SNX29: variants seen among roughly 807,000 people sequenced by gnomAD.
SNX29 encodes sorting nexin-29.
Under a neutral mutation model 102.1 loss-of-function variants are expected in SNX29, and 78 were observed. That is an observed-to-expected ratio of 0.76 (90% CI 0.64 to 0.92). The LOEUF (loss-of-function observed/expected upper bound fraction) is 0.92, where lower values mean the gene tolerates loss of function less well. Ranked by LOEUF, SNX29 falls within the 40% of genes least tolerant of loss-of-function variation. The pLI is 0.00. For synonymous variants in SNX29, 580 were observed against 414.5 expected (o/e 1.40, Z -4.85); for missense variants, 1,280 against 1,061.7 (o/e 1.21, Z -2.86).
chr16:12,093,285 C>T (rs1023989303), intron 11 of SNX29, among the ~76,000 whole-genome samples: 1 of 152,164 alleles, frequency 6.6e-6, no homozygotes, highest in African/African-American at 2.4e-5. Flanking sequence ...ATGGAAAGAA[C>T]ATGGGTCAGG....
At chr16:12,100,097 T>G (rs1259556345) in intron 11 of SNX29, among the ~76,000 whole-genome samples, 1 of 152,124 alleles carries the variant, frequency 6.6e-6, no homozygotes, top group African/African-American at 2.4e-5. Context: ...TGGGAGAGCA[T>G]GGGACTTCAA....
intron 15 of SNX29, among the ~76,000 whole-genome samples, chr16:12,313,791 G>C (rs2080643104): frequency 1.3e-5 from 2 of 152,228 alleles, no homozygotes; most frequent in African/African-American, 2.4e-5. Context: ...GTATGTGACA[G>C]ATGATCAGTA....
intron 18 of SNX29, among the ~76,000 whole-genome samples, chr16:12,449,943 G>T (rs1041639727): frequency 1.3e-5 from 2 of 152,142 alleles, no homozygotes; most frequent in Non-Finnish European, 2.9e-5. Flanking sequence ...AATTCCCCAC[G>T]TGTTGTGGGA....
chr16:12,207,808 T>C (rs1426553702), intron 14 of SNX29, among the ~76,000 whole-genome samples: 1 of 152,222 alleles, frequency 6.6e-6, no homozygotes, highest in Non-Finnish European at 1.5e-5. Flanking sequence ...AAGCAGAGTC[T>C]GGCATTTGCT....
At chr16:12,344,777 T>G (rs1391197761) in intron 15 of SNX29, among the ~76,000 whole-genome samples, 2 of 152,210 alleles carry the variant, frequency 1.3e-5, no homozygotes, top group African/African-American at 4.8e-5. Context: ...CTTTCTGTGC[T>G]GGGGAGGAGA....
intron 16 of SNX29, chr16:12,374,873 T>G (rs1377877769): frequency 6.6e-6 from 1 of 152,172 alleles, no homozygotes; most frequent in Non-Finnish European, 1.5e-5. Flanking sequence ...ACATTTGGCT[T>G]TCATCAGATC....
intron 14 of SNX29, among the ~76,000 whole-genome samples, chr16:12,217,532 C>T (rs2077356912): frequency 6.6e-6 from 1 of 152,180 alleles, no homozygotes; most frequent in Non-Finnish European, 1.5e-5. Context: ...AGTATATCTA[C>T]CACCTGTAGT....
chr16:12,477,472 G>A (rs1314888310), intron 18 of SNX29, among the ~76,000 whole-genome samples: 1 of 152,200 alleles, frequency 6.6e-6, no homozygotes, highest in African/African-American at 2.4e-5. Context: ...GATCTCTGTT[G>A]ATGTTGGGAA....
intron 20 of SNX29, among the ~76,000 whole-genome samples, chr16:12,535,171 C>G (rs575908546): frequency 2.1e-4 from 32 of 152,348 alleles, no homozygotes; most frequent in African/African-American, 7.0e-4. Context: ...CAGAGTCTCA[C>G]TCTGTCACCA....
rs1287825205 is a variant in SNX29 at position 12,567,604 on chromosome 16, C to CA, written c.2319-896dup. On this transcript the variant is annotated intron_variant, in intron 20 of 20. Coordinates refer to ENST00000566228, the MANE Select transcript of SNX29 (RefSeq NM_032167.5). ...GGACAAGAGCAAGACCCCATCTCTA[C>CA]AAAAAATTACACTCAGGTATGGTGG... Among the ~76,000 whole-genome samples the CA allele has an allele frequency of 5.9e-5, 9 of 152,076 alleles. No homozygotes were observed. The South Asian group carries it at 1.0e-3, about 18-fold the overall frequency.
chr16:12,475,503 G>A (rs2087549953), intron 18 of SNX29, among the ~76,000 whole-genome samples: 1 of 152,122 alleles, frequency 6.6e-6, no homozygotes, highest in Non-Finnish European at 1.5e-5. Context: ...CTTATGATGG[G>A]GTTATGTCCC....
chr16:12,544,682 T>A (rs1308377716), intron 20 of SNX29, among the ~76,000 whole-genome samples: 2 of 152,236 alleles, frequency 1.3e-5, no homozygotes, highest in Admixed American at 6.5e-5. Flanking sequence ...GAGAGCGCTG[T>A]CACTCGAATT....
intron 20 of SNX29, among the ~76,000 whole-genome samples, chr16:12,537,497 G>A (rs561996232): frequency 6.6e-6 from 1 of 152,186 alleles, no homozygotes; most frequent in Non-Finnish European, 1.5e-5. Context: ...TAGTGGCAGA[G>A]ATTTCACAGG....
intron 20 of SNX29, among the ~76,000 whole-genome samples, chr16:12,551,372 G>C (rs369500953): frequency 1.8e-4 from 28 of 152,194 alleles, no homozygotes; most frequent in Non-Finnish European, 3.8e-4. Flanking sequence ...TCCATTTGCA[G>C]AACTTCCCCA....
intron 18 of SNX29, among the ~76,000 whole-genome samples, chr16:12,406,115 AAGAG>A (rs2084153204): frequency 6.6e-6 from 1 of 152,220 alleles, no homozygotes; most frequent in African/African-American, 2.4e-5. Context: ...AGAATGATAA[AAGAG>A]AGGTTAAAAA....
At chr16:12,543,453 C>T (rs752811000) in intron 20 of SNX29, among the ~76,000 whole-genome samples, 148 of 152,318 alleles carry the variant, frequency 9.7e-4, no homozygotes, top group Middle Eastern at 3.4e-3. Context: ...GTTCATGCTG[C>T]GGGGTCTGGT....
chr16:12,465,826 C>T (rs565580589), intron 18 of SNX29, among the ~76,000 whole-genome samples: 4 of 144,106 alleles, frequency 2.8e-5, no homozygotes, highest in Non-Finnish European at 4.5e-5. Flanking sequence ...GGGATATCTT[C>T]CATTTGTTTG....
chr16:12,428,115 C>T (rs961820607), intron 18 of SNX29, among the ~76,000 whole-genome samples: 1 of 152,034 alleles, frequency 6.6e-6, no homozygotes, highest in Non-Finnish European at 1.5e-5. Flanking sequence ...TTTATTTTTC[C>T]CCCAACTGTA....
chr16:12,256,989 C>T (rs1481280142), intron 14 of SNX29, among the ~76,000 whole-genome samples: 1 of 152,198 alleles, frequency 6.6e-6, no homozygotes, highest in Non-Finnish European at 1.5e-5. Context: ...AATTATCTTA[C>T]AGATTTGGAG....
Sources: allele counts gnomAD v4.1 joint callset (sites outside exome capture counted in the v4.1 genomes callset), GRCh38; gene constraint gnomAD v4.1.1; transcripts MANE v1.5; gene names NCBI Gene and HGNC (gene_info 2026-07-23, HGNC 2026-07-21).